ITGA11: variants seen among roughly 807,000 people sequenced by gnomAD.
The protein encoded by ITGA11 is integrin subunit alpha 11.
Under a neutral mutation model 141.9 loss-of-function variants are expected in ITGA11, and 97 were observed. That is an observed-to-expected ratio of 0.68 (90% CI 0.58 to 0.81). The LOEUF is 0.81. Ranked by LOEUF, ITGA11 falls within the 30% of genes least tolerant of loss-of-function variation. The probability of loss-of-function intolerance (pLI) is 0.00; values close to 1 mark genes in which losing one functional copy is unlikely to be tolerated. For missense variants in ITGA11, 1,387 were observed against 1,559.2 expected (o/e 0.89, Z 1.86); for synonymous variants, 658 against 624.6 (o/e 1.05, Z -0.80).
Position 68,325,276 on chromosome 15 carries a change from G to A in ITGA11, c.2212-35C>T, listed in dbSNP as rs1442159700. The A allele has an allele frequency of 5.7e-6, 8 of 1,400,608 alleles. No individual in the cohort carries two copies. Among genetic ancestry groups the A allele is most frequent in the Non-Finnish European group, 8.1e-6 (8 of 985,558 alleles). The allele number at this position is 1,400,608 out of a possible 1,614,324, so 86.8% of individuals were successfully genotyped here. A position where few individuals can be genotyped will look rare whatever the true frequency, so the allele number is the denominator to read the frequency against. On this transcript the variant is annotated intron_variant, in intron 17 of 29. Transcript: ENST00000315757. The surrounding 1 kb of genome is among the most constrained non-coding windows in gnomAD (Gnocchi z 5.5). ...GGAGATGAGGGCAGCGGTGAGGGAGGAGAGAACGTCATTTTATGAGCCAGG... is the reference window on the plus strand; with the variant it reads ...GGAGATGAGGGCAGCGGTGAGGGAGAAGAGAACGTCATTTTATGAGCCAGG...
chr15:68,319,144 A>G (rs903192968), intron 20 of ITGA11, among the ~76,000 whole-genome samples: 1 of 152,230 alleles, frequency 6.6e-6, no homozygotes, highest in Admixed American at 6.5e-5. Flanking sequence ...GCTGAGGACT[A>G]TGCTTTGTCA....
chr15:68,378,418 G>A (rs1057170967), intron 2 of ITGA11, among the ~76,000 whole-genome samples: 6 of 152,156 alleles, frequency 3.9e-5, no homozygotes, highest in African/African-American at 7.2e-5. Context: ...GGTGAGGCAG[G>A]AGCATCAATT....
Position 68,325,439 on chromosome 15 carries a change from C to A in ITGA11, c.2212-198G>T, listed in dbSNP as rs898588. ...GAAGAGTGTGCTTCTGTGAAAGGAG[C>A]TCCAAGCTCAGCTCATGCCAACCTA... On this transcript the variant is annotated intron_variant, in intron 17 of 29. Coordinates refer to ENST00000315757, the MANE Select transcript of ITGA11 (RefSeq NM_001004439.2). The surrounding 1 kb of genome is among the most constrained non-coding windows in gnomAD (Gnocchi z 5.5). Among the ~76,000 whole-genome samples, 6 of 152,142 alleles carry A rather than the reference C, an allele frequency of 3.9e-5. No homozygotes were observed. The highest frequency in any genetic ancestry group is 7.4e-5 in the Non-Finnish European group (5 of 68,024).
At chr15:68,352,192 T>A (rs189869547) in intron 7 of ITGA11, among the ~76,000 whole-genome samples, 4,931 of 134,912 alleles carry the variant, frequency 0.037, 267 homozygotes, top group African/African-American at 0.13. Context: ...GGATATTAGT[T>A]TTTTTTTTTT....
intron 5 of ITGA11, among the ~76,000 whole-genome samples, chr15:68,361,340 G>T (rs144320830): frequency 2.0e-5 from 3 of 152,280 alleles, no homozygotes; most frequent in Non-Finnish European, 4.4e-5. Context: ...CTCCCTTGAG[G>T]CTGGGATTGT....
At position 68,307,726 on chromosome 15, in the gene ITGA11, G is replaced by A. The variant is rs1238553398; in HGVS notation, c.3175-30C>T. 6.6e-7 allele frequency: 1 copy of A among 1,518,378 alleles called. No homozygotes were observed. The highest frequency in any genetic ancestry group is 9.1e-7 in the Non-Finnish European group (1 of 1,095,862). 94.1% of individuals were successfully genotyped at this position (1,518,378 alleles called of 1,614,324 possible). On this transcript the variant is annotated intron_variant, in intron 26 of 29. Coordinates refer to ENST00000315757, the MANE Select transcript of ITGA11 (RefSeq NM_001004439.2). This position sits in a 1 kb window ranked among gnomAD's most constrained non-coding sequence, Gnocchi z 6.1. ...AAGAGAAGATGGGTCTCAGGGCTGA[G>A]CTGCTGGGCTAGGGGAGCAGGGGGC...
chr15:68,384,121 T>C (rs1407376371), intron 2 of ITGA11, among the ~76,000 whole-genome samples: 1 of 152,102 alleles, frequency 6.6e-6, no homozygotes, highest in Non-Finnish European at 1.5e-5. Flanking sequence ...TCTATGGCCC[T>C]GAGGACTGGC....
rs548632911 is a variant in ITGA11 at position 68,301,238 on chromosome 15, C to T, written c.*1821G>A. 6.6e-6 allele frequency: 1 copy of T among 152,184 alleles called. No homozygotes were observed. The highest frequency in any genetic ancestry group is 1.9e-4 in the East Asian group (1 of 5,202). The allele number at this position is 152,184 out of a possible 1,614,324, so 9.4% of individuals were successfully genotyped here. A position where few individuals can be genotyped will look rare whatever the true frequency, so the allele number is the denominator to read the frequency against. The stretch of plus-strand genomic sequence containing the variant: ...TAGGGCTCTTCCTGGTTCTGAGTGT[C>T]CTCATTTATGCAAAAACAAGATCAA... On this transcript the variant is annotated 3_prime_UTR_variant, in exon 30 of 30. Transcript: ENST00000315757. This position sits in a 1 kb window ranked among gnomAD's most constrained non-coding sequence, Gnocchi z 4.4.
chr15:68,418,673 G>A (rs901425912), intron 1 of ITGA11, among the ~76,000 whole-genome samples: 7 of 149,500 alleles, frequency 4.7e-5, no homozygotes, highest in East Asian at 2.0e-4. Flanking sequence ...ACAGCTGTAC[G>A]TGGCGGCCCT....
intron 19 of ITGA11, 64 bp from the exon 20 acceptor site, chr15:68,320,456 C>A (rs1277003609): frequency 1.4e-6 from 2 of 1,441,120 alleles, no homozygotes; most frequent in African/African-American, 1.4e-5. Context: ...TAGAGAGGAG[C>A]CCCAGGGTTG....
intron 5 of ITGA11, among the ~76,000 whole-genome samples, chr15:68,359,377 G>A (rs745855067): frequency 7.2e-5 from 11 of 152,178 alleles, no homozygotes; most frequent in Non-Finnish European, 1.5e-4. Context: ...TGGGAGTCAT[G>A]GCTCACACCC....
In ITGA11 at chr15:68,320,197, G is replaced by A. The variant is rs1893748672; in HGVS notation, c.2604C>T (p.Ser868=). The A allele has an allele frequency of 1.2e-6, 2 of 1,613,888 alleles. No homozygotes were observed. Among genetic ancestry groups the A allele is most frequent in the Non-Finnish European group, 1.7e-6 (2 of 1,179,884 alleles). ...GCTGAGGTCTTACCTTCTGGATCAA[G>A]CTGGCAAACTGCAGGTTTGCTGACT... ...ISQSANLQFA[S]LIQKEDSDGS... Residue 868 remains serine (S), a synonymous_variant, in exon 20 of 30, where the codon AGC becomes AGT. Transcript: ENST00000315757.
Position 68,307,669 on chromosome 15 carries a change from T to G in ITGA11, c.3202A>C (p.Ile1068Leu). Residue 1068 changes from isoleucine (I) to leucine (L), a missense_variant, in exon 27 of 30, where the codon ATC becomes CTC. Transcript: ENST00000315757. This position sits in a 1 kb window ranked among gnomAD's most constrained non-coding sequence, Gnocchi z 6.1. ...GGGACCAGCCGTATATTGCAGTTGA[T>G]GGAGACGACATCAGAGTTGCTGTGA... is the stretch of plus-strand genomic sequence containing the variant. ...LNHSNSDVVS[I>L]NCNIRLVPNQ... is the part of the protein sequence containing the mutation. 1 of 1,613,758 alleles carries G rather than the reference T, an allele frequency of 6.2e-7. No homozygotes were observed. Among genetic ancestry groups the G allele is most frequent in the Non-Finnish European group, 8.5e-7 (1 of 1,179,752 alleles).
intron 5 of ITGA11, 145 bp downstream of exon 5, chr15:68,361,445 A>G (rs1334596616): frequency 6.6e-6 from 4 of 610,038 alleles, no homozygotes; most frequent in Non-Finnish European, 1.2e-5. Context: ...GTGGAGTGAT[A>G]CATTCCAGGT....
chr15:68,409,868 G>C (rs1338472007), intron 1 of ITGA11, among the ~76,000 whole-genome samples: 1 of 152,172 alleles, frequency 6.6e-6, no homozygotes, highest in East Asian at 1.9e-4. Flanking sequence ...ATGACTTTGA[G>C]GCCTCACGGG....
chr15:68,328,095 C>T lies in ITGA11; in HGVS notation c.2068+1G>A. 1 of 1,612,986 alleles carries T rather than the reference C, an allele frequency of 6.2e-7. No homozygotes were observed. Among genetic ancestry groups the T allele is most frequent in the Non-Finnish European group, 8.5e-7 (1 of 1,179,508 alleles). ...GGGGAGAAAGGAGGGGCCTGCTTTA[C>T]CAACAGTTGTTGTTTGGAAATGGGG... On this transcript the variant is annotated splice_donor_variant, in intron 16 of 29. Transcript: ENST00000315757. LOFTEE classifies it high-confidence loss of function. The surrounding 1 kb of genome is among the most constrained non-coding windows in gnomAD (Gnocchi z 4.8).
chr15:68,414,492 T>A (rs1896843137), intron 1 of ITGA11, among the ~76,000 whole-genome samples: 1 of 152,210 alleles, frequency 6.6e-6, no homozygotes, highest in South Asian at 2.1e-4. Context: ...GTTTCTCGAC[T>A]GGCTATGTGA....
In ITGA11 at chr15:68,297,562, T is replaced by G. The variant is rs750991880; in HGVS notation, c.*5497A>C. ...TTTTAATGAAGGTCTTACAACTATT[T>G]TCCTTTTATTACCACTACGTACTTC... On this transcript the variant is annotated 3_prime_UTR_variant, in exon 30 of 30. Coordinates refer to ENST00000315757, the MANE Select transcript of ITGA11 (RefSeq NM_001004439.2). 5 of 151,932 alleles carry G rather than the reference T, an allele frequency of 3.3e-5. No homozygotes were observed. Among genetic ancestry groups the G allele is most frequent in the African/African-American group, 4.8e-5 (2 of 41,406 alleles). 9.4% of individuals were successfully genotyped at this position (151,932 alleles called of 1,614,324 possible). A position where few individuals can be genotyped will look rare whatever the true frequency, so the allele number is the denominator to read the frequency against.
At chr15:68,338,921 G>C (rs905181285) in intron 11 of ITGA11, among the ~76,000 whole-genome samples, 1 of 152,198 alleles carries the variant, frequency 6.6e-6, no homozygotes, top group African/African-American at 2.4e-5. Flanking sequence ...TGGCGAATGG[G>C]ACATGCCTGG....
Sources: gnomAD v4.1 joint callset for allele counts (sites outside exome capture counted in the v4.1 genomes callset) on GRCh38, gnomAD v4.1.1 for gene constraint, Gnocchi (gnomAD v3.1) non-coding constraint, MANE v1.5 for transcripts, NCBI Gene and HGNC (gene_info 2026-07-23, HGNC 2026-07-21) for gene names.